The following DOCK10 variants were observed in gnomAD, a reference collection of about 807,000 sequenced individuals.
DOCK10 encodes the protein dedicator of cytokinesis 10.
A neutral mutation model predicts 280.1 loss-of-function variants in DOCK10; 145 were observed. That is an observed-to-expected ratio of 0.52 (90% confidence interval 0.45 to 0.59). The LOEUF (loss-of-function observed/expected upper bound fraction) is 0.59, where lower values mean the gene tolerates loss of function less well. Among genes scored for constraint, DOCK10 ranks in the 20% least tolerant of loss-of-function variants. The pLI is 0.00. For missense variants in DOCK10, 2,368 were observed against 2,651.7 expected, an observed-to-expected ratio of 0.89 and a Z score of 2.35; for synonymous variants, 915 against 942.2, an observed-to-expected ratio of 0.97 and a Z score of 0.53.
chr2:224,922,441 G>T (rs1261829799), intron 2 of DOCK10, among the ~76,000 whole-genome samples: 1 of 152,208 alleles, frequency 6.6e-6, no homozygotes, highest in Non-Finnish European at 1.5e-5. Flanking sequence ...TGAAACTGCA[G>T]TGGAACTCAG....
chr2:225,035,572 A>ATGATATATATATATATATAT lies in DOCK10; in HGVS notation c.123+6679_123+6680insATATATATATATATATATCA, dbSNP rs397869895. Among the ~76,000 whole-genome samples, 3 of 69,956 alleles carry ATGATATATATATATATATAT rather than the reference A, an allele frequency of 4.3e-5. 1 individual carries two copies. Among genetic ancestry groups the ATGATATATATATATATATAT allele is most frequent in the Non-Finnish European group, 8.8e-5 (3 of 34,234 alleles). The allele number at this position is 69,956 out of a possible 152,430, so 45.9% of individuals were successfully genotyped here. A position where few individuals can be genotyped will look rare whatever the true frequency, so the allele number is the denominator to read the frequency against. ...TATATATATATATATATATATATAT[A>ATGATATATATATATATATAT]TATATATATATATATAACACTGAAT... On this transcript the variant is annotated intron_variant, in intron 1 of 55. Transcript: ENST00000258390.
chr2:224,974,839 A>G (rs1705331409), intron 1 of DOCK10, among the ~76,000 whole-genome samples: 1 of 135,436 alleles, frequency 7.4e-6, no homozygotes, highest in African/African-American at 2.5e-5. Flanking sequence ...TATTATATAT[A>G]ACATATACAC....
At chr2:225,035,335 A>C in intron 1 of DOCK10, among the ~76,000 whole-genome samples, 1 of 151,432 alleles carries the variant, frequency 6.6e-6, no homozygotes, top group East Asian at 1.9e-4. Flanking sequence ...AAGATCTTTA[A>C]CTCTATGGAA....
chr2:224,874,024 G>A lies in DOCK10; in HGVS notation c.1229C>T (p.Thr410Met), dbSNP rs775343177. Reference protein sequence around the residue: ...ALNSNLQGCVTENENDPITNI... With the variant: ...ALNSNLQGCVMENENDPITNI... Reference sequence around the variant, plus strand: ...CGTTATCGGATCATTTTCATTCTCCGTAACACATCCCTGAAGATTTGAGTT... The same window carrying A: ...CGTTATCGGATCATTTTCATTCTCCATAACACATCCCTGAAGATTTGAGTT... Residue 410 changes from threonine to methionine, a missense_variant, in exon 11 of 56, where the codon ACG becomes ATG. Thr to Met is a moderately conservative substitution (Grantham distance 81, BLOSUM62 -1). Transcript: ENST00000258390. The A allele has an allele frequency of 3.2e-5, 52 of 1,612,580 alleles. No homozygotes were observed. Among genetic ancestry groups the A allele is most frequent in the South Asian group, 2.8e-4 (25 of 90,510 alleles).
chr2:224,903,569 C>G (rs1188281117), intron 3 of DOCK10, among the ~76,000 whole-genome samples: 1 of 152,198 alleles, frequency 6.6e-6, no homozygotes, highest in Non-Finnish European at 1.5e-5. Context: ...CCAGCTAGAT[C>G]TCACAAGTCA....
At chr2:224,942,047 T>C (rs1857996) in intron 1 of DOCK10, among the ~76,000 whole-genome samples, 21,788 of 152,220 alleles carry the variant, frequency 0.14, 1,772 homozygotes, top group East Asian at 0.25. Flanking sequence ...CCCTCCTTCC[T>C]GTCCCTGTTG....
At chr2:225,008,365 G>A (rs1167251819) in intron 1 of DOCK10, among the ~76,000 whole-genome samples, 2 of 152,124 alleles carry the variant, frequency 1.3e-5, no homozygotes, top group East Asian at 3.8e-4. Flanking sequence ...GTGAGTAGTG[G>A]ACACTTTTTC....
At chr2:224,797,667 G>C (rs980180936) in intron 42 of DOCK10, among the ~76,000 whole-genome samples, 165 bp downstream of exon 42, 1 of 152,198 alleles carries the variant, frequency 6.6e-6, no homozygotes, top group African/African-American at 2.4e-5. Context: ...TGTCAAGGCT[G>C]TGCACTCATT....
intron 1 of DOCK10, among the ~76,000 whole-genome samples, chr2:225,030,222 A>C (rs2106122281): frequency 6.6e-6 from 1 of 152,170 alleles, no homozygotes; most frequent in Non-Finnish European, 1.5e-5. Context: ...GAATGCCAGA[A>C]CTTTAAAAAA....
At chr2:224,951,251 T>A (rs577814152) in intron 1 of DOCK10, among the ~76,000 whole-genome samples, 1 of 152,350 alleles carries the variant, frequency 6.6e-6, no homozygotes, top group African/African-American at 2.4e-5. Flanking sequence ...AATATATATA[T>A]GTGTATGTAT....
intron 1 of DOCK10, among the ~76,000 whole-genome samples, chr2:224,935,876 A>G (rs1449835665): frequency 6.6e-6 from 1 of 152,194 alleles, no homozygotes; most frequent in Non-Finnish European, 1.5e-5. Context: ...CTTTTCCGGG[A>G]TTCTATCTTA....
At chr2:224,824,491 C>G (rs1694718302) in intron 27 of DOCK10, among the ~76,000 whole-genome samples, 1 of 128,780 alleles carries the variant, frequency 7.8e-6, no homozygotes, top group Non-Finnish European at 1.5e-5. Context: ...GATTGGAGTG[C>G]AATGGTGTGA....
rs148444194 is a variant in DOCK10 at position 224,906,397 on chromosome 2, A to G, written c.334-10020T>C. On this transcript the variant is annotated intron_variant, in intron 3 of 55. Transcript: ENST00000258390. ...ATCTTATTCCTTCCCAAGCCGACCA[A>G]TCCATACTCTGGTATGCTTTTAGTT... Among the ~76,000 whole-genome samples, 99 of 152,266 alleles carry G rather than the reference A, an allele frequency of 6.5e-4. 2 individuals are homozygous for G. In the East Asian group the frequency reaches 0.018, roughly 27 times the overall value.
At chr2:224,897,069 ATGT>A (rs751708374) in intron 3 of DOCK10, among the ~76,000 whole-genome samples, 3 of 152,182 alleles carry the variant, frequency 2.0e-5, no homozygotes, top group Non-Finnish European at 4.4e-5. Flanking sequence ...GTAGGAAAAG[ATGT>A]TATTATTTAT....
At chr2:225,026,071 G>A (rs1339665600) in intron 1 of DOCK10, among the ~76,000 whole-genome samples, 1 of 152,072 alleles carries the variant, frequency 6.6e-6, no homozygotes, top group African/African-American at 2.4e-5. Flanking sequence ...AGGCAAGCAG[G>A]AGCCGAACAA....
intron 1 of DOCK10, among the ~76,000 whole-genome samples, chr2:224,945,806 G>A (rs73081863): frequency 0.026 from 3,976 of 152,044 alleles, 160 homozygotes; most frequent in African/African-American, 0.09. Flanking sequence ...TCACCCTCCC[G>A]GAGACGTTTA....
At chr2:225,032,385 C>A (rs1293195397) in intron 1 of DOCK10, among the ~76,000 whole-genome samples, 1 of 152,160 alleles carries the variant, frequency 6.6e-6, no homozygotes, top group Non-Finnish European at 1.5e-5. Flanking sequence ...TCCCTGTTAG[C>A]ACTCAGAAAG....
At chr2:224,947,567 G>A (rs1243233796) in intron 1 of DOCK10, among the ~76,000 whole-genome samples, 3 of 152,212 alleles carry the variant, frequency 2.0e-5, no homozygotes, top group Non-Finnish European at 4.4e-5. Context: ...TTATTTAATA[G>A]AATGCACACA....
At chr2:224,858,441 G>A (rs1697288371) in intron 14 of DOCK10, among the ~76,000 whole-genome samples, 1 of 152,040 alleles carries the variant, frequency 6.6e-6, no homozygotes, top group Admixed American at 6.5e-5. Flanking sequence ...GGGGGATCAC[G>A]AGGTCAGGAG....
Sources: allele counts gnomAD v4.1 joint callset (sites outside exome capture counted in the v4.1 genomes callset), GRCh38; gene constraint gnomAD v4.1.1; transcripts MANE v1.5; gene names NCBI Gene and HGNC (gene_info 2026-07-23, HGNC 2026-07-21).